The following FBXO22 variants were observed in gnomAD, a reference collection of about 807,000 sequenced individuals.
FBXO22 encodes F-box only protein 22.
Under a neutral mutation model 37.2 loss-of-function variants are expected in FBXO22, and 13 were observed. The observed-to-expected ratio is 0.35, with a 90% CI of 0.23 to 0.56. The LOEUF (loss-of-function observed/expected upper bound fraction) is 0.56, where lower values mean the gene tolerates loss of function less well. Ranked by LOEUF, FBXO22 falls within the 20% of genes least tolerant of loss-of-function variation. The pLI, the probability that FBXO22 is intolerant of heterozygous loss-of-function variation, is 0.87. For synonymous variants in FBXO22, 189 were observed against 189.1 expected, an observed-to-expected ratio of 1.00 and a Z score of 0.00; for missense variants, 446 against 509.9, an observed-to-expected ratio of 0.87 and a Z score of 1.21.
chr15:75,916,906 C>A (rs1280222772), intron 4 of FBXO22, among the ~76,000 whole-genome samples: 3 of 151,940 alleles, frequency 2.0e-5, no homozygotes, highest in Non-Finnish European at 2.9e-5. Flanking sequence ...TACTACCCCC[C>A]CAACTTTTTA....
chr15:75,927,156 GAC>G (rs1900462443), intron 5 of FBXO22, among the ~76,000 whole-genome samples: 1 of 152,198 alleles, frequency 6.6e-6, no homozygotes, highest in African/African-American at 2.4e-5. Flanking sequence ...ATAATGCTCT[GAC>G]ACAGGGTTGT....
chr15:75,930,349 G>A (rs2029969383), intron 6 of FBXO22: 3 of 1,278,040 alleles, frequency 2.3e-6, no homozygotes, highest in Non-Finnish European at 3.0e-6. Flanking sequence ...TGACCTCAAT[G>A]TGTCACCTCC....
chr15:75,937,079 T>G lies in FBXO22; in HGVS notation c.*3977T>G, dbSNP rs2030416551. 1 of 152,062 alleles carries G rather than the reference T, an allele frequency of 6.6e-6. No homozygotes were observed. The highest frequency in any genetic ancestry group is 2.1e-4 in the South Asian group (1 of 4,824). 9.4% of individuals were successfully genotyped at this position (152,062 alleles called of 1,614,324 possible). A position where few individuals can be genotyped will look rare whatever the true frequency, so the allele number is the denominator to read the frequency against. Reference sequence around the variant, plus strand: ...AATTATGACTAAAATTTAATCACTATACTTAATAAACATACTCTATTCAAG... The same window carrying G: ...AATTATGACTAAAATTTAATCACTAGACTTAATAAACATACTCTATTCAAG... On this transcript the variant is annotated 3_prime_UTR_variant, in exon 7 of 7. Coordinates refer to ENST00000308275, the MANE Select transcript of FBXO22 (RefSeq NM_147188.3).
intron 4 of FBXO22, among the ~76,000 whole-genome samples, chr15:75,916,164 A>G (rs1266957307): frequency 1.3e-5 from 2 of 152,116 alleles, no homozygotes; most frequent in East Asian, 3.9e-4. Flanking sequence ...ACCTTTAAGC[A>G]CCACAGAGTT....
At chr15:75,907,158 G>A (rs1196812603) in intron 2 of FBXO22, among the ~76,000 whole-genome samples, 1 of 152,092 alleles carries the variant, frequency 6.6e-6, no homozygotes, top group Non-Finnish European at 1.5e-5. Context: ...GCTGTTAATA[G>A]CCAGACAGAC....
chr15:75,907,802 G>C (rs1160037506), intron 2 of FBXO22, among the ~76,000 whole-genome samples: 2 of 152,012 alleles, frequency 1.3e-5, no homozygotes, highest in Admixed American at 1.3e-4. Context: ...AGTTGGCTGG[G>C]CATGTTAGTG....
intron 1 of FBXO22, 142 bp downstream of exon 1, chr15:75,904,245 C>G: frequency 8.0e-7 from 1 of 1,248,628 alleles, no homozygotes; most frequent in Non-Finnish European, 1.1e-6. Flanking sequence ...TGACCCCCTA[C>G]CCGCGAGGTA....
chr15:75,914,977 T>C (rs531587912), intron 4 of FBXO22, among the ~76,000 whole-genome samples: 6 of 152,328 alleles, frequency 3.9e-5, no homozygotes, highest in Admixed American at 6.5e-5. Context: ...CATTTATGTA[T>C]TGTTTTTGAG....
Position 75,939,131 on chromosome 15 carries a change from A to G in FBXO22, c.*6029A>G, listed in dbSNP as rs2030680226. 6.6e-6 allele frequency: 1 copy of G among 152,146 alleles called. No individual in the cohort carries two copies. Among genetic ancestry groups the G allele is most frequent in the South Asian group, 2.1e-4 (1 of 4,832 alleles). 9.4% of individuals were successfully genotyped at this position (152,146 alleles called of 1,614,324 possible). A position where few individuals can be genotyped will look rare whatever the true frequency, so the allele number is the denominator to read the frequency against. On this transcript the variant is annotated 3_prime_UTR_variant, in exon 7 of 7. Coordinates refer to ENST00000308275, the MANE Select transcript of FBXO22 (RefSeq NM_147188.3). ...AGATATAATAAATTGAATAAAGATT[A>G]GAAACACTAGAGAAAAATCAGTGAA...
In FBXO22 at chr15:75,930,000, A is replaced by G; in HGVS notation, c.745A>G (p.Ile249Val). The change falls in exon 6 of 7, where the codon ATC (isoleucine) becomes GTC (valine). Residue 249 changes from isoleucine (I) to valine (V), a missense_variant. Physicochemically the swap from Ile to Val is conservative, Grantham distance 29 (BLOSUM62 3). Coordinates refer to ENST00000308275, the MANE Select transcript of FBXO22 (RefSeq NM_147188.3). ...CAGCACTTTCAGTGATATGAATATC[A>G]TCTTGGCTGGAGGCCAGGTGGACAA... Reference protein sequence around the residue: ...VVSTFSDMNIILAGGQVDNLS... With the variant: ...VVSTFSDMNIVLAGGQVDNLS... 6.2e-7 allele frequency: 1 copy of G among 1,614,122 alleles called. No homozygotes were observed. Among genetic ancestry groups the G allele is most frequent in the South Asian group, 1.1e-5 (1 of 91,078 alleles).
chr15:75,917,251 G>A lies in FBXO22; in HGVS notation c.485G>A (p.Ser162Asn), dbSNP rs773568083. ...GIVVTPMGSGSNRPQEIEIGE... is the reference protein window; with the variant it reads ...GIVVTPMGSGNNRPQEIEIGE... ...CTAGTGACTCCAATGGGATCAGGTA[G>A]CAATCGACCTCAGGAAATAGAAATT... is the stretch of plus-strand genomic sequence containing the variant. The change falls in exon 5 of 7, where the codon AGC becomes AAC. Residue 162 changes from serine to asparagine, a missense_variant. Ser to Asn is a conservative substitution (Grantham distance 46). This residue lies in a region of FBXO22 where 315 missense variants were observed against 410.1 expected (regional missense o/e 0.77). Transcript: ENST00000308275. 1.2e-6 allele frequency: 2 copies of A among 1,612,228 alleles called. No homozygotes were observed. The highest frequency in any genetic ancestry group is 3.4e-5 in the Admixed American group (2 of 59,526).
At chr15:75,927,399 A>C (rs1157873021) in intron 5 of FBXO22, among the ~76,000 whole-genome samples, 1 of 152,186 alleles carries the variant, frequency 6.6e-6, no homozygotes, top group African/African-American at 2.4e-5. Flanking sequence ...AACAGGAGGA[A>C]AGGTTGAGAT....
chr15:75,916,529 A>C (rs1374955120), intron 4 of FBXO22, among the ~76,000 whole-genome samples: 1 of 152,078 alleles, frequency 6.6e-6, no homozygotes, highest in African/African-American at 2.4e-5. Context: ...AATCTTAACT[A>C]TCTCTTTAAA....
intron 2 of FBXO22, among the ~76,000 whole-genome samples, chr15:75,908,690 A>G (rs1280956670): frequency 6.6e-6 from 1 of 152,204 alleles, no homozygotes; most frequent in Non-Finnish European, 1.5e-5. Flanking sequence ...GCACCATGGC[A>G]GTCTGGAAAG....
intron 1 of FBXO22, 144 bp from the exon 2 acceptor site, chr15:75,904,347 G>T (rs1028105609): frequency 1.5e-5 from 19 of 1,271,964 alleles, no homozygotes; most frequent in Middle Eastern, 2.7e-4. Flanking sequence ...CCGAACTAGC[G>T]CCCTGACTGA....
intron 2 of FBXO22, among the ~76,000 whole-genome samples, chr15:75,911,045 G>C (rs998651219): frequency 1.3e-5 from 2 of 152,128 alleles, no homozygotes; most frequent in African/African-American, 2.4e-5. Flanking sequence ...GCTTGTTTTT[G>C]TCAGAGTTGT....
In FBXO22 at chr15:75,941,604, C is replaced by G. The variant is rs537568509; in HGVS notation, c.*8502C>G. The G allele has an allele frequency of 6.6e-6, 1 of 152,212 alleles. No individual in the cohort carries two copies. The highest frequency in any genetic ancestry group is 6.5e-5 in the Admixed American group (1 of 15,296). 9.4% of individuals were successfully genotyped at this position (152,212 alleles called of 1,614,324 possible). ...ATTATTCAGCCATAAAAAGGAAATCCTTCTACATACTACATCATGGATGAA... is the reference window on the plus strand; with the variant it reads ...ATTATTCAGCCATAAAAAGGAAATCGTTCTACATACTACATCATGGATGAA... On this transcript the variant is annotated 3_prime_UTR_variant, in exon 7 of 7. Coordinates refer to ENST00000308275, the MANE Select transcript of FBXO22 (RefSeq NM_147188.3).
chr15:75,914,008 TA>T, intron 3 of FBXO22, 101 bp from the exon 4 acceptor site: 1 of 777,262 alleles, frequency 1.3e-6, no homozygotes. Flanking sequence ...ATTCTCGTGT[TA>T]AATGACTTAA....
chr15:75,912,149 T>G (rs577244046), intron 2 of FBXO22, among the ~76,000 whole-genome samples: 1 of 152,176 alleles, frequency 6.6e-6, no homozygotes, highest in African/African-American at 2.4e-5. Flanking sequence ...ATAAGCTTTT[T>G]GATGTGCTGC....
Sources: gnomAD v4.1 joint callset for allele counts (sites outside exome capture counted in the v4.1 genomes callset) on GRCh38, gnomAD v4.1.1 for gene constraint, gnomAD v4.1.1 regional missense constraint, MANE v1.5 for transcripts, NCBI Gene and HGNC (gene_info 2026-07-23, HGNC 2026-07-21) for gene names.